Variants in PTPRD observed in about 807,000 individuals in gnomAD.
PTPRD encodes the protein protein tyrosine phosphatase receptor type D.
A neutral mutation model predicts 214.5 loss-of-function variants in PTPRD; 34 were observed. The ratio of observed to expected loss-of-function variants is 0.16; its 90% CI spans 0.12 to 0.21. The LOEUF (loss-of-function observed/expected upper bound fraction) is 0.21. Among genes scored for constraint, PTPRD ranks in the 10% least tolerant of loss-of-function variants. PTPRD has a pLI of 1.00. For synonymous variants in PTPRD, 1,128 were observed against 845.7 expected (o/e 1.33, Z -5.79); for missense variants, 2,545 against 2,398.7 (o/e 1.06, Z -1.27).
chr9:9,247,128 G>A (rs776674758), intron 9 of PTPRD, among the ~76,000 whole-genome samples: 2 of 152,022 alleles, frequency 1.3e-5, no homozygotes, highest in Non-Finnish European at 2.9e-5. Context: ...TCTTCTAGGA[G>A]CTGACCATAA....
At chr9:8,518,539 T>A in intron 20 of PTPRD, 110 bp from the exon 21 acceptor site, 4 of 774,804 alleles carry the variant, frequency 5.2e-6, no homozygotes, top group Non-Finnish European at 7.9e-6. Context: ...ACTGAAGATT[T>A]AATTAAATGA....
intron 37 of PTPRD, among the ~76,000 whole-genome samples, chr9:8,382,047 C>A (rs138855375): frequency 6.6e-6 from 1 of 152,208 alleles, no homozygotes; most frequent in African/African-American, 2.4e-5. Context: ...ACAGCCACCT[C>A]TGCTTCTGCC....
rs371315436 is a variant in PTPRD, at chr9:10,133,282, C to A, written c.-544-99492G>T. On this transcript the variant is annotated intron_variant, in intron 3 of 45. Transcript: ENST00000381196. ...GATACTGAAGAGACTAAGCAAATGT[C>A]AGAAAGAAAATAAAGAAAAAAAGCT... Among the ~76,000 whole-genome samples the A allele has an allele frequency of 7.9e-5, 12 of 152,102 alleles. No homozygotes were observed. The South Asian group carries it at 2.5e-3, about 32-fold the overall frequency.
At chr9:10,098,000 C>T (rs1304735713) in intron 3 of PTPRD, among the ~76,000 whole-genome samples, 1 of 151,790 alleles carries the variant, frequency 6.6e-6, no homozygotes, top group Non-Finnish European at 1.5e-5. Context: ...GGGGTACATA[C>T]CCAAAGGATT....
intron 39 of PTPRD, among the ~76,000 whole-genome samples, chr9:8,373,615 GTGTGT>G (rs1564364149): frequency 0.022 from 703 of 31,356 alleles, 8 homozygotes; most frequent in South Asian, 0.06. Context: ...GGATGCGGGT[GTGTGT>G]GTGTGTGTGT....
At chr9:8,877,733 C>T (rs1277395603) in intron 11 of PTPRD, among the ~76,000 whole-genome samples, 1 of 152,182 alleles carries the variant, frequency 6.6e-6, no homozygotes, top group East Asian at 1.9e-4. Flanking sequence ...TGACATTTTA[C>T]ACTCATAAAT....
At chr9:9,205,500 A>G (rs1166498340) in intron 9 of PTPRD, among the ~76,000 whole-genome samples, 1 of 152,178 alleles carries the variant, frequency 6.6e-6, no homozygotes, top group Non-Finnish European at 1.5e-5. Flanking sequence ...GAAACCATAA[A>G]AGTATGCCAA....
At chr9:10,318,141 A>C (rs1208670663) in intron 3 of PTPRD, among the ~76,000 whole-genome samples, 1 of 152,042 alleles carries the variant, frequency 6.6e-6, no homozygotes, top group Non-Finnish European at 1.5e-5. Context: ...GACTATTGCA[A>C]TATGGAGGCT....
At chr9:8,922,442 G>C (rs370486187) in intron 11 of PTPRD, among the ~76,000 whole-genome samples, 1 of 152,170 alleles carries the variant, frequency 6.6e-6, no homozygotes, top group East Asian at 1.9e-4. Context: ...TACCTCCTAC[G>C]AATATGAGAA....
intron 11 of PTPRD, among the ~76,000 whole-genome samples, chr9:9,011,386 T>C (rs1567578106): frequency 6.6e-6 from 1 of 152,140 alleles, no homozygotes; most frequent in African/African-American, 2.4e-5. Flanking sequence ...GATAAATATA[T>C]GGTAAAATAC....
chr9:8,901,622 C>T (rs1261686810), intron 11 of PTPRD, among the ~76,000 whole-genome samples: 5 of 152,160 alleles, frequency 3.3e-5, no homozygotes, highest in African/African-American at 1.2e-4. Context: ...CGTAGGTCTC[C>T]TGATTGCCAG....
chr9:8,935,577 G>A (rs1169087275), intron 11 of PTPRD, among the ~76,000 whole-genome samples: 1 of 152,122 alleles, frequency 6.6e-6, no homozygotes, highest in Non-Finnish European at 1.5e-5. Context: ...TCCCGAGGAA[G>A]CCTAACGAAT....
intron 3 of PTPRD, among the ~76,000 whole-genome samples, chr9:10,126,946 C>CTTTTTTTTTTTTTTTTTTT (rs34691762): frequency 7.7e-6 from 1 of 130,598 alleles, no homozygotes; most frequent in African/African-American, 3.2e-5. Flanking sequence ...CTCAAATGGA[C>CTTTTTTTTTTTTTTTTTTT]TTTTTTTTTT....
rs577913522 is a variant in PTPRD, at chr9:9,234,048, T to A, written c.-202-50685A>T. Among the ~76,000 whole-genome samples, 54 of 152,306 alleles carry A rather than the reference T, an allele frequency of 3.5e-4. 1 individual carries two copies. The South Asian group carries it at 6.4e-3, about 18-fold the overall frequency. Reference sequence around the variant, plus strand: ...TCTGTGTGGGGGCTCCAACCCCACATTTCCCTTCTGCACTGCCCTAGCAGA... The same window carrying A: ...TCTGTGTGGGGGCTCCAACCCCACAATTCCCTTCTGCACTGCCCTAGCAGA... On this transcript the variant is annotated intron_variant, in intron 9 of 45. Coordinates refer to ENST00000381196, the MANE Select transcript of PTPRD (RefSeq NM_002839.4).
At chr9:10,431,255 C>A (rs1196225360) in intron 2 of PTPRD, among the ~76,000 whole-genome samples, 1 of 151,990 alleles carries the variant, frequency 6.6e-6, no homozygotes, top group Non-Finnish European at 1.5e-5. Flanking sequence ...AAACTGGATC[C>A]CTTCCTTACA....
Position 9,759,553 on chromosome 9 carries a change from G to GTTTTTTTTTTTTTTT in PTPRD, c.-326+7256_-326+7257insAAAAAAAAAAAAAAA, listed in dbSNP as rs1597016286. Reference sequence around the variant, plus strand: ...AAACATCTTCAAATAGTCAAGGTCTGTCTTTTTTTTTTTTTTTTTTTTGAG... The same window carrying GTTTTTTTTTTTTTTT: ...AAACATCTTCAAATAGTCAAGGTCTGTTTTTTTTTTTTTTTTCTTTTTTTTTTTTTTTTTTTTGAG... On this transcript the variant is annotated intron_variant, in intron 6 of 45. Transcript: ENST00000381196. Among the ~76,000 whole-genome samples the GTTTTTTTTTTTTTTT allele has an allele frequency of 6.1e-5, 8 of 130,750 alleles. No individual in the cohort carries two copies. The East Asian group carries it at 1.1e-3, about 17-fold the overall frequency. The allele number at this position is 130,750 out of a possible 152,430, so 85.8% of individuals were successfully genotyped here. A position where few individuals can be genotyped will look rare whatever the true frequency, so the allele number is the denominator to read the frequency against.
At chr9:10,181,334 T>G (rs1221674575) in intron 3 of PTPRD, among the ~76,000 whole-genome samples, 1 of 152,148 alleles carries the variant, frequency 6.6e-6, no homozygotes, top group Non-Finnish European at 1.5e-5. Flanking sequence ...CTAGCGTATA[T>G]GGAATTTCAA....
intron 10 of PTPRD, among the ~76,000 whole-genome samples, chr9:9,117,614 C>G (rs563984623): frequency 6.6e-6 from 1 of 152,064 alleles, no homozygotes; most frequent in African/African-American, 2.4e-5. Context: ...AAGAGCCATG[C>G]AGCAACCTCA....
chr9:9,823,663 G>C (rs2051597718), intron 5 of PTPRD, among the ~76,000 whole-genome samples: 1 of 152,038 alleles, frequency 6.6e-6, no homozygotes, highest in South Asian at 2.1e-4. Context: ...TCACTCATAT[G>C]TGTGAGTTAA....
Sources: gnomAD v4.1 joint callset for allele counts (sites outside exome capture counted in the v4.1 genomes callset) on GRCh38, gnomAD v4.1.1 for gene constraint, MANE v1.5 for transcripts, NCBI Gene and HGNC (gene_info 2026-07-23, HGNC 2026-07-21) for gene names.